Variants in RXFP1 observed in about 807,000 individuals in gnomAD.
RXFP1 encodes relaxin receptor 1.
A neutral mutation model predicts 89.8 loss-of-function variants in RXFP1; 73 were observed. The observed-to-expected ratio is 0.81, with a 90% CI of 0.67 to 0.99. The LOEUF (loss-of-function observed/expected upper bound fraction) is 0.99. RXFP1 is among the 50% of genes least tolerant of loss of function. RXFP1 has a pLI of 0.00. For synonymous variants in RXFP1, 277 were observed against 305.5 expected, an observed-to-expected ratio of 0.91 and a Z score of 0.97; for missense variants, 793 against 895.5, an observed-to-expected ratio of 0.89 and a Z score of 1.46.
At chr4:158,599,912 G>C (rs1187464707) in intron 4 of RXFP1, among the ~76,000 whole-genome samples, 2 of 152,224 alleles carry the variant, frequency 1.3e-5, no homozygotes, top group East Asian at 1.9e-4. Context: ...AATCTGTTCT[G>C]AATCACATTT....
rs1553989424 is a variant in RXFP1, at chr4:158,527,564, A to AATATATATAT, written c.49+5544_49+5553dup. Among the ~76,000 whole-genome samples the AATATATATAT allele has an allele frequency of 1.8e-3, 181 of 98,280 alleles. 8 individuals are homozygous for AATATATATAT. Among genetic ancestry groups the AATATATATAT allele is most frequent in the Middle Eastern group, 0.013 (2 of 156 alleles). 64.5% of individuals were successfully genotyped at this position (98,280 alleles called of 152,430 possible). A position where few individuals can be genotyped will look rare whatever the true frequency, so the allele number is the denominator to read the frequency against. On this transcript the variant is annotated intron_variant, in intron 1 of 17. Coordinates refer to ENST00000307765, the MANE Select transcript of RXFP1 (RefSeq NM_021634.4). Reference sequence around the variant, plus strand: ...ATCTCCCCCGCTCCAAAAAAAAAAAAATATATATATATATGTATATATATA... The same window carrying AATATATATAT: ...ATCTCCCCCGCTCCAAAAAAAAAAAAATATATATATATATATATATATATGTATATATATA...
At chr4:158,572,311 C>T (rs562649296) in intron 1 of RXFP1, among the ~76,000 whole-genome samples, 1 of 152,306 alleles carries the variant, frequency 6.6e-6, no homozygotes, top group South Asian at 2.1e-4. Context: ...CGTTTCAATA[C>T]CAGACCAGCC....
At chr4:158,599,193 A>T (rs1007864264) in intron 3 of RXFP1, 133 bp from the exon 4 acceptor site, 6 of 1,421,696 alleles carry the variant, frequency 4.2e-6, no homozygotes, top group Admixed American at 2.1e-5. Flanking sequence ...GCATTGCCTA[A>T]ATTGCCTACG....
At chr4:158,569,486 C>T (rs1754577249) in intron 1 of RXFP1, among the ~76,000 whole-genome samples, 1 of 152,180 alleles carries the variant, frequency 6.6e-6, no homozygotes, top group Admixed American at 6.5e-5. Context: ...CCACTCTGGA[C>T]TGGGGAGAGT....
intron 9 of RXFP1, among the ~76,000 whole-genome samples, chr4:158,621,790 T>A (rs1273230340): frequency 1.3e-5 from 2 of 152,268 alleles, no homozygotes; most frequent in African/African-American, 4.8e-5. Flanking sequence ...TACTTAAAAA[T>A]GGCCAACAGG....
chr4:158,622,121 G>C (rs1482202770), intron 9 of RXFP1, among the ~76,000 whole-genome samples: 2 of 152,144 alleles, frequency 1.3e-5, no homozygotes, highest in Non-Finnish European at 2.9e-5. Flanking sequence ...GGCCAGCCTG[G>C]CCAACATGAT....
chr4:158,524,345 G>A (rs1056411360), intron 1 of RXFP1, among the ~76,000 whole-genome samples: 20 of 152,172 alleles, frequency 1.3e-4, no homozygotes, highest in Admixed American at 1.2e-3. Flanking sequence ...GCAACTATTA[G>A]TCATCCTTTC....
rs192612030 is a variant in RXFP1, at chr4:158,625,302, T to A, written c.756-1518T>A. On this transcript the variant is annotated intron_variant, in intron 9 of 17. Coordinates refer to ENST00000307765, the MANE Select transcript of RXFP1 (RefSeq NM_021634.4). ...CCACATTTAAGATTCTAATACAATA[T>A]CCCATGTAGTACAAAAATCCTGTCT... 1.5e-4 allele frequency among the ~76,000 whole-genome samples: 23 copies of A among 152,114 alleles called. 1 individual carries two copies. The highest frequency in any genetic ancestry group is 3.4e-3 in the Middle Eastern group (1 of 294).
chr4:158,588,004 A>C (rs1333597173), intron 2 of RXFP1, among the ~76,000 whole-genome samples: 1 of 152,184 alleles, frequency 6.6e-6, no homozygotes, highest in African/African-American at 2.4e-5. Context: ...CAAAAGGTCA[A>C]AAAACTCTGC....
intron 1 of RXFP1, among the ~76,000 whole-genome samples, chr4:158,530,550 C>T (rs1743768608): frequency 6.6e-6 from 1 of 152,168 alleles, no homozygotes; most frequent in Admixed American, 6.5e-5. Flanking sequence ...TGCAGAACTG[C>T]CTCATGGTTT....
chr4:158,599,724 G>A (rs571569442), intron 4 of RXFP1, among the ~76,000 whole-genome samples: 4 of 151,970 alleles, frequency 2.6e-5, no homozygotes, highest in African/African-American at 9.7e-5. Flanking sequence ...AGAAAAAATG[G>A]CTTCTAATTA....
At chr4:158,542,008 C>G (rs2149833458) in intron 1 of RXFP1, among the ~76,000 whole-genome samples, 1 of 146,504 alleles carries the variant, frequency 6.8e-6, no homozygotes, top group Non-Finnish European at 1.5e-5. Flanking sequence ...CAACCTCCAC[C>G]TCCTGGGTTC....
chr4:158,548,338 G>A (rs1458050137), intron 1 of RXFP1, among the ~76,000 whole-genome samples: 1 of 152,132 alleles, frequency 6.6e-6, no homozygotes, highest in Admixed American at 6.5e-5. Context: ...GTGAGCCTAT[G>A]TGTGTCTCTG....
intron 1 of RXFP1, among the ~76,000 whole-genome samples, chr4:158,524,068 T>C (rs2149766914): frequency 6.6e-6 from 1 of 152,328 alleles, no homozygotes; most frequent in East Asian, 1.9e-4. Flanking sequence ...AATCAAATCC[T>C]TTACCCTGTC....
Position 158,645,021 on chromosome 4 carries a change from G to T in RXFP1, c.1228G>T (p.Val410Leu). ...TCTCTTGGCAAGCATTATTCAGAGA[G>T]TATTTGTCTGGGTTGTATCTGCAGT... ...ENLLASIIQR[V>L]FVWVVSAVTC... Residue 410 changes from valine to leucine, a missense_variant, in exon 15 of 18, where the codon GTA becomes TTA. Coordinates refer to ENST00000307765, the MANE Select transcript of RXFP1 (RefSeq NM_021634.4). The T allele has an allele frequency of 1.9e-6, 3 of 1,614,150 alleles. No homozygotes were observed. The highest frequency in any genetic ancestry group is 2.5e-6 in the Non-Finnish European group (3 of 1,179,978).
At chr4:158,602,309 A>G (rs990282206) in intron 4 of RXFP1, among the ~76,000 whole-genome samples, 7 of 152,190 alleles carry the variant, frequency 4.6e-5, no homozygotes, top group African/African-American at 1.2e-4. Context: ...AGGTCTTTCA[A>G]TGAGCCTCAC....
intron 3 of RXFP1, among the ~76,000 whole-genome samples, chr4:158,595,188 C>G (rs1561088349): frequency 2.6e-5 from 4 of 152,190 alleles, no homozygotes; most frequent in Admixed American, 2.0e-4. Flanking sequence ...TCTTACTCAT[C>G]ATCACGTTTT....
At chr4:158,537,746 ATAATCTG>A (rs1745616210) in intron 1 of RXFP1, among the ~76,000 whole-genome samples, 1 of 152,224 alleles carries the variant, frequency 6.6e-6, no homozygotes, top group African/African-American at 2.4e-5. Flanking sequence ...ATGGGAATTT[ATAATCTG>A]GTGGTGATAT....
chr4:158,538,089 G>A (rs1348486185), intron 1 of RXFP1, among the ~76,000 whole-genome samples: 2 of 152,306 alleles, frequency 1.3e-5, no homozygotes, highest in East Asian at 3.9e-4. Context: ...TTAAGTGAGG[G>A]AAGAAATGTG....
Sources: allele counts gnomAD v4.1 joint callset (sites outside exome capture counted in the v4.1 genomes callset), GRCh38; gene constraint gnomAD v4.1.1; transcripts MANE v1.5; gene names NCBI Gene and HGNC (gene_info 2026-07-23, HGNC 2026-07-21).